Variants in EXD3 observed in about 807,000 individuals in gnomAD.
EXD3 encodes exonuclease 3'-5' domain containing 3, also known as exonuclease mut-7 homolog.
A neutral mutation model predicts 98.0 loss-of-function variants in EXD3; 92 were observed. The observed-to-expected ratio is 0.94, with a 90% CI of 0.79 to 1.12. The LOEUF is 1.12. Ranked by LOEUF, EXD3 falls within the 50% of genes most tolerant of loss-of-function variation. The pLI is 0.00. For synonymous variants in EXD3, 569 were observed against 526.0 expected, an observed-to-expected ratio of 1.08 and a Z score of -1.12; for missense variants, 1,222 against 1,191.6, an observed-to-expected ratio of 1.03 and a Z score of -0.38.
At chr9:137,420,588 C>G (rs1588451284) in intron 1 of EXD3, among the ~76,000 whole-genome samples, 1 of 152,216 alleles carries the variant, frequency 6.6e-6, no homozygotes, top group African/African-American at 2.4e-5. Flanking sequence ...CTTTATAGAG[C>G]CAATAAAAAG....
At chr9:137,374,302 G>C (rs529915852) in intron 3 of EXD3, among the ~76,000 whole-genome samples, 1 of 152,232 alleles carries the variant, frequency 6.6e-6, no homozygotes, top group Non-Finnish European at 1.5e-5. Flanking sequence ...CGCAGCAGCC[G>C]ACACCCGACC....
At chr9:137,348,764 A>C (rs1834088689) in intron 16 of EXD3, among the ~76,000 whole-genome samples, 1 of 25,594 alleles carries the variant, frequency 3.9e-5, no homozygotes, top group Admixed American at 5.4e-4. Context: ...GGTTAGATAG[A>C]GAGGGGAGGG....
At chr9:137,372,367 G>A (rs1249264278) in intron 5 of EXD3, among the ~76,000 whole-genome samples, 1 of 152,222 alleles carries the variant, frequency 6.6e-6, no homozygotes, top group Non-Finnish European at 1.5e-5. Flanking sequence ...TGGGGGTGCT[G>A]TGGGAGGCGG....
chr9:137,397,531 G>A (rs893141698), intron 1 of EXD3, among the ~76,000 whole-genome samples: 2 of 151,944 alleles, frequency 1.3e-5, no homozygotes, highest in African/African-American at 4.8e-5. Context: ...AAAGAAACAA[G>A]GAAATATGAC....
At position 137,411,458 on chromosome 9, in the gene EXD3, G is replaced by A. The variant is rs371718859; in HGVS notation, c.-48+11656C>T. ...GCCTCCACAGGAAGGCGGGACCGGCGGGACCAACAGGATGTGCAGGGGCCC... is the reference window on the plus strand; with the variant it reads ...GCCTCCACAGGAAGGCGGGACCGGCAGGACCAACAGGATGTGCAGGGGCCC... On this transcript the variant is annotated intron_variant, in intron 1 of 21. Transcript: ENST00000340951. Among the ~76,000 whole-genome samples, 783 of 151,964 alleles carry A rather than the reference G, an allele frequency of 5.2e-3. 8 individuals are homozygous for A. The highest frequency in any genetic ancestry group is 0.035 in the South Asian group (170 of 4,802).
At chr9:137,417,282 C>A (rs1289336702) in intron 1 of EXD3, among the ~76,000 whole-genome samples, 1 of 152,166 alleles carries the variant, frequency 6.6e-6, no homozygotes, top group African/African-American at 2.4e-5. Flanking sequence ...CACGGCTTGT[C>A]GTGAAAATGG....
chr9:137,373,097 A>G, intron 4 of EXD3, 25 bp from the exon 5 acceptor site: 1 of 1,536,428 alleles, frequency 6.5e-7, no homozygotes. Context: ...ACCCAGACTT[A>G]CTGGACGCAG....
intron 2 of EXD3, among the ~76,000 whole-genome samples, chr9:137,384,502 G>A (rs780866402): frequency 3.9e-5 from 6 of 152,214 alleles, no homozygotes; most frequent in Non-Finnish European, 8.8e-5. Flanking sequence ...ATGGGCGAGC[G>A]TGAGACGTGG....
intron 12 of EXD3, among the ~76,000 whole-genome samples, chr9:137,351,739 T>A (rs1172831520): frequency 1.3e-5 from 2 of 152,230 alleles, no homozygotes; most frequent in African/African-American, 4.8e-5. Flanking sequence ...GAGGGAGGCC[T>A]GGCTGTTGTG....
chr9:137,366,370 C>T, intron 7 of EXD3, 123 bp downstream of exon 7: 1 of 1,407,178 alleles, frequency 7.1e-7, no homozygotes, highest in South Asian at 1.2e-5. Flanking sequence ...AGCTGTGACC[C>T]AAACACCAGA....
In EXD3 at chr9:137,354,301, G is replaced by A. The variant is rs1042081967; in HGVS notation, c.870+38C>T. 6 of 1,609,350 alleles carry A rather than the reference G, an allele frequency of 3.7e-6. No individual in the cohort carries two copies. The South Asian group carries it at 5.5e-5, about 15-fold the overall frequency. The stretch of plus-strand genomic sequence containing the variant: ...CTGTGCCCCTAGGACAGCCGCCCAG[G>A]CCGCCCTGCCGGCTTACAGGCAAGG... On this transcript the variant is annotated intron_variant, in intron 10 of 21. Coordinates refer to ENST00000340951, the MANE Select transcript of EXD3 (RefSeq NM_017820.5).
intron 7 of EXD3, chr9:137,365,989 C>T (rs531917963): frequency 5.6e-5 from 32 of 567,072 alleles, no homozygotes; most frequent in African/African-American, 5.2e-4. Flanking sequence ...CACACACATG[C>T]ACACCTGCAG....
Position 137,307,272 on chromosome 9 carries a change from A to T in EXD3, c.2318-9T>A. 6.7e-7 allele frequency: 1 copy of T among 1,492,882 alleles called. No homozygotes were observed. Among genetic ancestry groups the T allele is most frequent in the African/African-American group, 1.4e-5 (1 of 71,596 alleles). The allele number at this position is 1,492,882 out of a possible 1,614,324, so 92.5% of individuals were successfully genotyped here. On this transcript the variant is annotated splice_polypyrimidine_tract_variant and intron_variant, in intron 21 of 21. Transcript: ENST00000340951. Reference sequence around the variant, plus strand: ...TGCGTCTGGGGCTGGGCCTGGACAGATAGAAGTGGACTCCCTGAGCCCTCA... The same window carrying T: ...TGCGTCTGGGGCTGGGCCTGGACAGTTAGAAGTGGACTCCCTGAGCCCTCA...
At chr9:137,369,718 C>T (rs1021187587) in intron 5 of EXD3, among the ~76,000 whole-genome samples, 6 of 152,354 alleles carry the variant, frequency 3.9e-5, no homozygotes, top group African/African-American at 1.4e-4. Context: ...TGCAGAGGAG[C>T]CTGGGTGGGG....
chr9:137,354,484 C>CA, intron 9 of EXD3, 107 bp from the exon 10 acceptor site: 1 of 1,564,372 alleles, frequency 6.4e-7, no homozygotes, highest in Non-Finnish European at 8.6e-7. Context: ...CTTGGCAGAG[C>CA]CCAGGTGCTC....
intron 4 of EXD3, 131 bp downstream of exon 4, chr9:137,373,295 C>T: frequency 8.1e-7 from 1 of 1,230,444 alleles, no homozygotes; most frequent in Non-Finnish European, 1.1e-6. Flanking sequence ...GGCCATAGCC[C>T]CCAGCATCCC....
At chr9:137,315,029 C>G (rs1831568266) in intron 19 of EXD3, among the ~76,000 whole-genome samples, 1 of 152,180 alleles carries the variant, frequency 6.6e-6, no homozygotes, top group Admixed American at 6.5e-5. Flanking sequence ...ATGTGGCCGC[C>G]CGTGTCAGGG....
intron 3 of EXD3, among the ~76,000 whole-genome samples, chr9:137,377,833 G>A (rs1181255396): frequency 2.3e-5 from 3 of 130,358 alleles, no homozygotes; most frequent in East Asian, 2.2e-4. Context: ...TTGCTCTGTC[G>A]CCCAGGCTGG....
At chr9:137,330,472 A>AAGGAGCTACAC (rs1202237214) in intron 17 of EXD3, among the ~76,000 whole-genome samples, 10 of 84,618 alleles carry the variant, frequency 1.2e-4, no homozygotes, top group Non-Finnish European at 2.3e-4. Context: ...CAGGACTACA[A>AAGGAGCTACAC]AGGAGCTACA....
Sources: allele counts gnomAD v4.1 joint callset (sites outside exome capture counted in the v4.1 genomes callset), GRCh38; gene constraint gnomAD v4.1.1; transcripts MANE v1.5; gene names NCBI Gene and HGNC (gene_info 2026-07-23, HGNC 2026-07-21).